The following ZMYND8 variants were observed in gnomAD, a reference collection of about 807,000 sequenced individuals.
ZMYND8 encodes the protein MYND-type zinc finger-containing chromatin reader ZMYND8.
In ZMYND8, 37 loss-of-function variants were observed where a neutral mutation model predicts 140.8. That is an observed-to-expected ratio of 0.26 (90% confidence interval 0.20 to 0.35). The LOEUF (loss-of-function observed/expected upper bound fraction) is 0.35, where lower values mean the gene tolerates loss of function less well. Ranked by LOEUF, ZMYND8 falls within the 10% of genes least tolerant of loss-of-function variation. The pLI is 1.00. For missense variants in ZMYND8, 1,068 were observed against 1,570.0 expected (o/e 0.68, Z 5.40); for synonymous variants, 592 against 597.1 (o/e 0.99, Z 0.12).
intron 2 of ZMYND8, among the ~76,000 whole-genome samples, chr20:47,313,548 G>C (rs1258322649): frequency 1.3e-5 from 2 of 151,850 alleles, no homozygotes; most frequent in African/African-American, 4.8e-5. Flanking sequence ...CGTGAACCTG[G>C]GAGGCGGAGC....
chr20:47,264,574 G>A (rs2075373520), intron 11 of ZMYND8, among the ~76,000 whole-genome samples: 1 of 152,146 alleles, frequency 6.6e-6, no homozygotes, highest in African/African-American at 2.4e-5. Flanking sequence ...ACTGTGCCCA[G>A]CCTATAATTA....
In ZMYND8 at chr20:47,272,767, T is replaced by C. The variant is rs143331629; in HGVS notation, c.1480+3547A>G. The stretch of plus-strand genomic sequence containing the variant: ...TTTCTACACTGTTGTACAAGTTTTA[T>C]GCAATAACATTTCAATCTGTAGTTT... On this transcript the variant is annotated intron_variant, in intron 11 of 22. Coordinates refer to ENST00000471951, the MANE Select transcript of ZMYND8 (RefSeq NM_001281775.3). Among the ~76,000 whole-genome samples, 1,115 of 152,348 alleles carry C rather than the reference T, an allele frequency of 7.3e-3. 11 individuals carry two copies. Among genetic ancestry groups the C allele is most frequent in the South Asian group, 0.045 (217 of 4,828 alleles).
chr20:47,320,673 G>C (rs756458775), intron 2 of ZMYND8: 14 of 152,246 alleles, frequency 9.2e-5, no homozygotes, highest in African/African-American at 3.1e-4. Context: ...GCAGTGAGTC[G>C]AGATCACGCC....
At chr20:47,294,887 TCCCA>T in intron 4 of ZMYND8, 108 bp from the exon 5 acceptor site, 12 of 985,006 alleles carry the variant, frequency 1.2e-5, no homozygotes, top group Non-Finnish European at 1.9e-5. Context: ...GCAATTCTCA[TCCCA>T]ATGAGACTTG....
chr20:47,231,682 AC>A (rs2038505742), intron 16 of ZMYND8, among the ~76,000 whole-genome samples: 1 of 152,200 alleles, frequency 6.6e-6, no homozygotes, highest in African/African-American at 2.4e-5. Context: ...CGGAGCCCAC[AC>A]CAGGCCGTTG....
intron 11 of ZMYND8, among the ~76,000 whole-genome samples, chr20:47,265,429 A>AGTTTGTTT (rs3084704): frequency 0.03 from 4,565 of 151,224 alleles, 92 homozygotes; most frequent in Non-Finnish European, 0.041. Context: ...CGACAGGTCA[A>AGTTTGTTT]GTTTGTTTGT....
intron 9 of ZMYND8, among the ~76,000 whole-genome samples, chr20:47,282,899 A>T (rs2076698998): frequency 2.0e-5 from 3 of 152,194 alleles, no homozygotes; most frequent in African/African-American, 4.8e-5. Flanking sequence ...CCTAGCATCT[A>T]ATAAGGGGCA....
chr20:47,355,459 G>A, intron 1 of ZMYND8: 1 of 985,408 alleles, frequency 1.0e-6, no homozygotes, highest in Non-Finnish European at 1.2e-6. Flanking sequence ...CCCAACAAAT[G>A]TTCAAGCAAC....
chr20:47,280,292 T>C (rs1240591554), intron 10 of ZMYND8, among the ~76,000 whole-genome samples: 5 of 152,150 alleles, frequency 3.3e-5, no homozygotes, highest in African/African-American at 1.2e-4. Context: ...GTGCACTCCC[T>C]TAAAGCAGGT....
intron 2 of ZMYND8, among the ~76,000 whole-genome samples, chr20:47,340,804 A>C (rs1032471850): frequency 6.8e-6 from 1 of 146,196 alleles, no homozygotes; most frequent in African/African-American, 2.7e-5. Context: ...ATTTTTTTTA[A>C]TGTAAAAAAA....
chr20:47,275,277 A>G (rs1433503557), intron 11 of ZMYND8, among the ~76,000 whole-genome samples: 1 of 152,144 alleles, frequency 6.6e-6, no homozygotes, highest in African/African-American at 2.4e-5. Flanking sequence ...GGATCACTTG[A>G]AGTCAGGAGT....
Position 47,347,567 on chromosome 20 carries a change from T to C in ZMYND8, c.85+289A>G, listed in dbSNP as rs374999271. On this transcript the variant is annotated intron_variant, in intron 2 of 22. Transcript: ENST00000471951. ...CTTCCAGAACATGCTTTATTTAAAC[T>C]GTGGCTCCTGAAAGTCACCCTGCGG... Among the ~76,000 whole-genome samples the C allele has an allele frequency of 2.3e-4, 35 of 152,274 alleles. No individual in the cohort carries two copies. The East Asian group carries it at 2.5e-3, about 11-fold the overall frequency.
intron 11 of ZMYND8, among the ~76,000 whole-genome samples, chr20:47,264,587 T>A (rs2075374512): frequency 6.6e-6 from 1 of 152,164 alleles, no homozygotes; most frequent in South Asian, 2.1e-4. Context: ...TATAATTAAG[T>A]TTTTAACACA....
chr20:47,219,018 ACCAACCTGG>A (rs1420523423), intron 21 of ZMYND8, among the ~76,000 whole-genome samples: 3 of 149,634 alleles, frequency 2.0e-5, no homozygotes, highest in East Asian at 4.0e-4. Flanking sequence ...AGAGATCAAG[ACCAACCTGG>A]CCAACATGGC....
chr20:47,334,382 T>C (rs1277363958), intron 2 of ZMYND8, among the ~76,000 whole-genome samples: 1 of 152,124 alleles, frequency 6.6e-6, no homozygotes, highest in Non-Finnish European at 1.5e-5. Context: ...TTATTCTAAG[T>C]GAACGAACTC....
At chr20:47,285,954 G>T in intron 8 of ZMYND8, 1 of 570,708 alleles carries the variant, frequency 1.8e-6, no homozygotes, top group Non-Finnish European at 2.2e-6. Flanking sequence ...GTCTTTGGAG[G>T]CTGAGGCAGA....
chr20:47,355,873 T>C (rs1294213858), intron 1 of ZMYND8, among the ~76,000 whole-genome samples: 3 of 149,734 alleles, frequency 2.0e-5, no homozygotes, highest in Admixed American at 2.0e-4. Flanking sequence ...CCAAAAAACT[T>C]CCTCCAAAGC....
intron 2 of ZMYND8, chr20:47,318,762 T>A (rs2148325301): frequency 2.1e-6 from 1 of 481,984 alleles, no homozygotes. Flanking sequence ...GAACTGTGCT[T>A]ATAAAGAATC....
intron 10 of ZMYND8, among the ~76,000 whole-genome samples, chr20:47,277,592 A>G (rs1168231584): frequency 6.6e-6 from 1 of 152,232 alleles, no homozygotes; most frequent in Non-Finnish European, 1.5e-5. Context: ...AAAACTGGCG[A>G]GAATAAGCTT....
Sources: gnomAD v4.1 joint callset for allele counts (sites outside exome capture counted in the v4.1 genomes callset) on GRCh38, gnomAD v4.1.1 for gene constraint, MANE v1.5 for transcripts, NCBI Gene and HGNC (gene_info 2026-07-23, HGNC 2026-07-21) for gene names.